Variants in CLEC16A observed in about 807,000 individuals in gnomAD.
CLEC16A encodes the protein protein CLEC16A.
In CLEC16A, 51 loss-of-function variants were observed where a neutral mutation model predicts 109.5. The observed-to-expected ratio is 0.47, with a 90% confidence interval of 0.37 to 0.59. The LOEUF (loss-of-function observed/expected upper bound fraction) is 0.59. CLEC16A is among the 20% of genes least tolerant of loss of function. CLEC16A has a pLI of 0.00. For missense variants in CLEC16A, 1,339 were observed against 1,394.0 expected (o/e 0.96, Z 0.63); for synonymous variants, 673 against 564.2 (o/e 1.19, Z -2.73).
chr16:11,121,896 A>AAG, intron 20 of CLEC16A, among the ~76,000 whole-genome samples: 1 of 151,350 alleles, frequency 6.6e-6, no homozygotes, highest in African/African-American at 2.4e-5. Context: ...AAAAAAAAAA[A>AAG]AAAAAAAAAA....
chr16:11,171,913 C>T (rs750604336), intron 23 of CLEC16A, among the ~76,000 whole-genome samples: 1 of 149,934 alleles, frequency 6.7e-6, no homozygotes, highest in African/African-American at 2.5e-5. Flanking sequence ...CATAGTCACA[C>T]ACACCAGTAC....
At chr16:11,146,608 G>A (rs1434222952) in intron 22 of CLEC16A, among the ~76,000 whole-genome samples, 3 of 151,484 alleles carry the variant, frequency 2.0e-5, no homozygotes, top group African/African-American at 7.3e-5. Context: ...TGGATGGGTA[G>A]AGAGGGATGG....
chr16:11,103,896 A>G (rs558278898), intron 19 of CLEC16A, among the ~76,000 whole-genome samples: 2 of 152,274 alleles, frequency 1.3e-5, no homozygotes, highest in South Asian at 2.1e-4. Context: ...CAACTGGCCT[A>G]TGTCGGAGGA....
Position 11,096,313 on chromosome 16 carries a change from C to G in CLEC16A, c.2117-24302C>G, listed in dbSNP as rs1215625900. Among the ~76,000 whole-genome samples the G allele has an allele frequency of 2.0e-5, 3 of 152,038 alleles. No individual in the cohort carries two copies. The East Asian group carries it at 5.8e-4, about 29-fold the overall frequency. ...TGAGCTGTGATGGCATCACCGCACT[C>G]CATCCTGGGTGACAGAGTGAGACCC... is the stretch of plus-strand genomic sequence containing the variant. On this transcript the variant is annotated intron_variant, in intron 19 of 23. Transcript: ENST00000409790.
chr16:10,955,047 T>G (rs2041922528), intron 1 of CLEC16A, among the ~76,000 whole-genome samples: 1 of 152,220 alleles, frequency 6.6e-6, no homozygotes, highest in Non-Finnish European at 1.5e-5. Flanking sequence ...AAGCCTTGAC[T>G]GTTCCCACCA....
rs1248772196 is a variant in CLEC16A, at chr16:11,020,128, C to T, written c.1304-65C>T. On this transcript the variant is annotated intron_variant, in intron 11 of 23. Transcript: ENST00000409790. The stretch of plus-strand genomic sequence containing the variant: ...ATGCATATTTATTCTCCAACATGAG[C>T]ATGTGTATAAATCTAGGGCTGAAAA... The T allele has an allele frequency of 2.6e-6, 4 of 1,517,896 alleles. No homozygotes were observed. In the African/African-American group the frequency reaches 4.2e-5, roughly 16 times the overall value. The allele number at this position is 1,517,896 out of a possible 1,614,324, so 94.0% of individuals were successfully genotyped here. A position where few individuals can be genotyped will look rare whatever the true frequency, so the allele number is the denominator to read the frequency against.
At chr16:11,018,948 A>T (rs2045930232) in intron 11 of CLEC16A, among the ~76,000 whole-genome samples, 1 of 152,140 alleles carries the variant, frequency 6.6e-6, no homozygotes, top group Non-Finnish European at 1.5e-5. Context: ...GAGGAGTGAC[A>T]TGAGCTAATT....
At chr16:11,033,433 C>T (rs981219226) in intron 13 of CLEC16A, among the ~76,000 whole-genome samples, 2 of 152,146 alleles carry the variant, frequency 1.3e-5, no homozygotes, top group African/African-American at 4.8e-5. Context: ...AGTTCAAGTC[C>T]GGTGCCCTGA....
intron 1 of CLEC16A, among the ~76,000 whole-genome samples, chr16:10,957,244 G>T (rs1018188102): frequency 6.6e-6 from 1 of 152,230 alleles, no homozygotes. Context: ...AAGGGGAATT[G>T]CATGTGATTT....
chr16:11,178,093 C>T lies in CLEC16A; in HGVS notation c.2807-242C>T, dbSNP rs2068829224. 6.6e-6 allele frequency among the ~76,000 whole-genome samples: 1 copy of T among 152,136 alleles called. No homozygotes were observed. Among genetic ancestry groups the T allele is most frequent in the Admixed American group, 6.5e-5 (1 of 15,274 alleles). ...TTTTGCACAGGCCCTGAATTTTCCC[C>T]TCATATCACAAGTCAGGGTAACCCT... On this transcript the variant is annotated intron_variant, in intron 23 of 23. Coordinates refer to ENST00000409790, the MANE Select transcript of CLEC16A (RefSeq NM_015226.3). This position sits in a 1 kb window ranked among gnomAD's most constrained non-coding sequence, Gnocchi z 6.5.
At chr16:11,141,836 G>A (rs2053845746) in intron 22 of CLEC16A, among the ~76,000 whole-genome samples, 1 of 152,214 alleles carries the variant, frequency 6.6e-6, no homozygotes, top group African/African-American at 2.4e-5. Flanking sequence ...AGCAGCTTGG[G>A]ACAGGCAAAG....
chr16:11,063,284 T>C (rs2048587816), intron 19 of CLEC16A, among the ~76,000 whole-genome samples: 1 of 148,598 alleles, frequency 6.7e-6, no homozygotes, highest in African/African-American at 2.5e-5. Flanking sequence ...TTCCTTTTTT[T>C]TTTTTTTTTT....
chr16:11,001,563 A>G (rs951992240), intron 10 of CLEC16A, among the ~76,000 whole-genome samples: 2 of 152,054 alleles, frequency 1.3e-5, no homozygotes, highest in Non-Finnish European at 2.9e-5. Context: ...CTGCTCCTCT[A>G]TTTTCTCAAT....
Position 10,961,320 on chromosome 16 carries a change from A to G in CLEC16A, c.210-1135A>G, listed in dbSNP as rs982303346. Among the ~76,000 whole-genome samples the G allele has an allele frequency of 2.0e-5, 3 of 152,178 alleles. No homozygotes were observed. Among genetic ancestry groups the G allele is most frequent in the African/African-American group, 7.2e-5 (3 of 41,430 alleles). ...TTTTCATTTATCCGTTCATGGATTC[A>G]GACAGAATCAGGCAGCACTGAGTAA... On this transcript the variant is annotated intron_variant, in intron 2 of 23. Coordinates refer to ENST00000409790, the MANE Select transcript of CLEC16A (RefSeq NM_015226.3). The surrounding 1 kb of genome is among the most constrained non-coding windows in gnomAD (Gnocchi z 4.3).
chr16:10,995,545 C>T (rs2044276389), intron 10 of CLEC16A, among the ~76,000 whole-genome samples: 1 of 152,204 alleles, frequency 6.6e-6, no homozygotes, highest in African/African-American at 2.4e-5. Context: ...AAAAGCCCCT[C>T]CCCTGCCCTC....
intron 13 of CLEC16A, among the ~76,000 whole-genome samples, chr16:11,038,561 A>C (rs887468905): frequency 3.9e-5 from 6 of 152,160 alleles, no homozygotes; most frequent in Non-Finnish European, 8.8e-5. Flanking sequence ...GAGAAATGAC[A>C]ACAGGGCTCA....
intron 11 of CLEC16A, among the ~76,000 whole-genome samples, chr16:11,009,515 C>T (rs980941095): frequency 3.3e-5 from 5 of 152,170 alleles, no homozygotes; most frequent in Non-Finnish European, 7.3e-5. Context: ...GTTCCTGCTC[C>T]CAGCTTTGCA....
chr16:10,956,768 G>C lies in CLEC16A; in HGVS notation c.81-1014G>C, dbSNP rs541679850. Among the ~76,000 whole-genome samples, 7 of 152,274 alleles carry C rather than the reference G, an allele frequency of 4.6e-5. No individual in the cohort carries two copies. In the South Asian group the frequency reaches 6.2e-4, roughly 14 times the overall value. On this transcript the variant is annotated intron_variant, in intron 1 of 23. Transcript: ENST00000409790. Reference sequence around the variant, plus strand: ...ATTCAGGCCTGTTTGGGTAGATGAAGTACAGCACCATAGCCTCTGCAGCCC... The same window carrying C: ...ATTCAGGCCTGTTTGGGTAGATGAACTACAGCACCATAGCCTCTGCAGCCC...
intron 17 of CLEC16A, 119 bp from the exon 18 acceptor site, chr16:11,051,394 T>C: frequency 2.0e-6 from 2 of 1,009,946 alleles, no homozygotes; most frequent in Non-Finnish European, 3.0e-6. Context: ...AGGATTTAGA[T>C]CACTCATTTA....
Sources: allele counts gnomAD v4.1 joint callset (sites outside exome capture counted in the v4.1 genomes callset), GRCh38; gene constraint gnomAD v4.1.1; non-coding constraint Gnocchi (gnomAD v3.1); transcripts MANE v1.5; gene names NCBI Gene and HGNC (gene_info 2026-07-23, HGNC 2026-07-21).